TBC1D22B: variants seen among roughly 807,000 people sequenced by gnomAD.
TBC1D22B encodes TBC1 domain family member 22B.
In TBC1D22B, 32 loss-of-function variants were observed where a neutral mutation model predicts 69.1. The observed-to-expected ratio is 0.46, with a 90% CI of 0.35 to 0.62. The LOEUF is 0.62. Among genes scored for constraint, TBC1D22B ranks in the 20% least tolerant of loss-of-function variants. The pLI, the probability that TBC1D22B is intolerant of heterozygous loss-of-function variation, is 0.00. For missense variants in TBC1D22B, 462 were observed against 630.9 expected (o/e 0.73, Z 2.87); for synonymous variants, 206 against 229.8 (o/e 0.90, Z 0.94).
intron 12 of TBC1D22B, among the ~76,000 whole-genome samples, chr6:37,320,453 C>T (rs1441382099): frequency 1.3e-5 from 2 of 152,076 alleles, no homozygotes; most frequent in African/African-American, 2.4e-5. Flanking sequence ...ATATAGACCT[C>T]GAAACAGTGA....
chr6:37,327,528 G>A (rs1768460132), intron 12 of TBC1D22B, among the ~76,000 whole-genome samples: 1 of 150,068 alleles, frequency 6.7e-6, no homozygotes, highest in Admixed American at 6.6e-5. Context: ...AGAAATGATG[G>A]TTCTCTTTCA....
At chr6:37,323,437 G>A (rs1768306204) in intron 12 of TBC1D22B, among the ~76,000 whole-genome samples, 1 of 152,142 alleles carries the variant, frequency 6.6e-6, no homozygotes, top group South Asian at 2.1e-4. Flanking sequence ...AGGTTGGGTG[G>A]GAGGATCATC....
intron 2 of TBC1D22B, among the ~76,000 whole-genome samples, chr6:37,276,558 A>G (rs1488155765): frequency 6.6e-6 from 1 of 152,126 alleles, no homozygotes; most frequent in African/African-American, 2.4e-5. Context: ...CCCAGTTTCT[A>G]TTGGCAAGTC....
chr6:37,277,798 T>C (rs558708525), intron 2 of TBC1D22B, among the ~76,000 whole-genome samples: 1 of 152,124 alleles, frequency 6.6e-6, no homozygotes, highest in East Asian at 1.9e-4. Flanking sequence ...AGAACAAATA[T>C]TATCATTTCT....
chr6:37,294,754 A>G (rs1387297074), intron 8 of TBC1D22B, among the ~76,000 whole-genome samples: 5 of 152,212 alleles, frequency 3.3e-5, no homozygotes, highest in Admixed American at 1.3e-4. Context: ...GCTCACAAAA[A>G]AAGATTTCTT....
At chr6:37,325,795 C>T (rs921950184) in intron 12 of TBC1D22B, among the ~76,000 whole-genome samples, 3 of 152,098 alleles carry the variant, frequency 2.0e-5, no homozygotes, top group Admixed American at 1.3e-4. Flanking sequence ...GGCAATCCAC[C>T]CAACTCTGCC....
intron 8 of TBC1D22B, among the ~76,000 whole-genome samples, chr6:37,301,265 A>G (rs572681297): frequency 8.3e-4 from 126 of 152,338 alleles, no homozygotes; most frequent in African/African-American, 2.8e-3. Context: ...TTCGTGTGCC[A>G]GACAATTTAC....
At chr6:37,284,271 A>C in intron 5 of TBC1D22B, 65 bp from the exon 6 acceptor site, 1 of 1,611,282 alleles carries the variant, frequency 6.2e-7, no homozygotes, top group Non-Finnish European at 8.5e-7. Flanking sequence ...GCATAGATTA[A>C]AATAAAAATT....
chr6:37,313,489 C>CAA (rs60514210), intron 9 of TBC1D22B, among the ~76,000 whole-genome samples: 1 of 141,452 alleles, frequency 7.1e-6, no homozygotes, highest in African/African-American at 2.6e-5. Flanking sequence ...GACCCTATCT[C>CAA]AAAAAAAAAA....
rs778008361 is a variant in TBC1D22B, at chr6:37,272,649, A to G, written c.113+2999A>G. Among the ~76,000 whole-genome samples the G allele has an allele frequency of 2.0e-5, 3 of 152,122 alleles. No individual in the cohort carries two copies. In the East Asian group the frequency reaches 5.8e-4, roughly 29 times the overall value. ...GTGATCAGCCTGCCTTGGCCTCCCA[A>G]CGTGCTGGGATTACAGAGGTGAGCC... On this transcript the variant is annotated intron_variant, in intron 2 of 12. Coordinates refer to ENST00000373491, the MANE Select transcript of TBC1D22B (RefSeq NM_017772.4).
intron 7 of TBC1D22B, 150 bp from the exon 8 acceptor site, chr6:37,291,093 C>T: frequency 1.6e-6 from 1 of 614,782 alleles, no homozygotes; most frequent in Admixed American, 2.9e-5. Flanking sequence ...AAACTTTTTG[C>T]ATTTATATAC....
chr6:37,307,537 G>A (rs866531805), intron 8 of TBC1D22B, among the ~76,000 whole-genome samples: 10 of 151,956 alleles, frequency 6.6e-5, no homozygotes, highest in South Asian at 2.1e-4. Flanking sequence ...TATATTTTTG[G>A]TAGAGACGGG....
In TBC1D22B at chr6:37,313,041, C is replaced by T; in HGVS notation, c.1089+17C>T. On this transcript the variant is annotated intron_variant, in intron 9 of 12. Transcript: ENST00000373491. ...GGAATCCAGGTGAGCTGCTTCTGCC[C>T]TTGTGGGAACAAACGTCTAGGTCCA... 2.5e-6 allele frequency: 4 copies of T among 1,603,628 alleles called. No homozygotes were observed. Among genetic ancestry groups the T allele is most frequent in the Non-Finnish European group, 3.4e-6 (4 of 1,170,486 alleles).
intron 12 of TBC1D22B, among the ~76,000 whole-genome samples, chr6:37,327,922 T>G (rs1581640435): frequency 1.3e-5 from 2 of 151,514 alleles, no homozygotes; most frequent in South Asian, 4.2e-4. Flanking sequence ...CAAAGTTTGT[T>G]TTTTTTTTAA....
At position 37,291,228 on chromosome 6, in the gene TBC1D22B, T is replaced by C. The variant is rs1230775502; in HGVS notation, c.868-15T>C. Reference sequence around the variant, plus strand: ...CGTGATTTAACACTCGTGTCTTTCTTTCTCATTTTCCTAGATCTTTGAAAG... The same window carrying C: ...CGTGATTTAACACTCGTGTCTTTCTCTCTCATTTTCCTAGATCTTTGAAAG... On this transcript the variant is annotated splice_polypyrimidine_tract_variant and intron_variant, in intron 7 of 12. Coordinates refer to ENST00000373491, the MANE Select transcript of TBC1D22B (RefSeq NM_017772.4). 1 of 1,568,198 alleles carries C rather than the reference T, an allele frequency of 6.4e-7. No individual in the cohort carries two copies. The highest frequency in any genetic ancestry group is 8.8e-7 in the Non-Finnish European group (1 of 1,138,368).
Position 37,332,235 on chromosome 6 carries a change from T to A in TBC1D22B, c.*1063T>A, listed in dbSNP as rs1768599488. On this transcript the variant is annotated 3_prime_UTR_variant, in exon 13 of 13. Transcript: ENST00000373491. ...GCTGGAGCCATCCCAAGCATCAGTGTCTCAGAGTCCTCCTCGCCCCTTTCT... is the reference window on the plus strand; with the variant it reads ...GCTGGAGCCATCCCAAGCATCAGTGACTCAGAGTCCTCCTCGCCCCTTTCT... 6.6e-6 allele frequency: 1 copy of A among 152,508 alleles called. No homozygotes were observed. Among genetic ancestry groups the A allele is most frequent in the African/African-American group, 2.4e-5 (1 of 41,386 alleles). The allele number at this position is 152,508 out of a possible 1,614,324, so 9.4% of individuals were successfully genotyped here.
At chr6:37,301,360 C>A (rs1767567241) in intron 8 of TBC1D22B, among the ~76,000 whole-genome samples, 1 of 152,226 alleles carries the variant, frequency 6.6e-6, no homozygotes, top group South Asian at 2.1e-4. Flanking sequence ...TTTTATCACC[C>A]CAGAAAGAAC....
chr6:37,312,520 A>G (rs1162886872), intron 8 of TBC1D22B, among the ~76,000 whole-genome samples: 1 of 152,184 alleles, frequency 6.6e-6, no homozygotes, highest in Non-Finnish European at 1.5e-5. Context: ...TATGAGTGTG[A>G]GTGTGCTAGA....
In TBC1D22B at chr6:37,262,422, G is replaced by GTT. The variant is rs1766137368; in HGVS notation, c.56+4450_56+4451insTT. On this transcript the variant is annotated intron_variant, in intron 1 of 12. Transcript: ENST00000373491. ...GGTCATGAACTCCTGGGCTCAAGCA[G>GTT]TCTGCCCACTTCATCCTCCAAAAGT... is the stretch of plus-strand genomic sequence containing the variant. Among the ~76,000 whole-genome samples, 3 of 152,268 alleles carry GTT rather than the reference G, an allele frequency of 2.0e-5. No individual in the cohort carries two copies. The South Asian group carries it at 6.2e-4, about 32-fold the overall frequency.
Sources: gnomAD v4.1 joint callset for allele counts (sites outside exome capture counted in the v4.1 genomes callset) on GRCh38, gnomAD v4.1.1 for gene constraint, MANE v1.5 for transcripts, NCBI Gene and HGNC (gene_info 2026-07-23, HGNC 2026-07-21) for gene names.